Variants in ZNF560 observed in about 807,000 individuals in gnomAD.
The protein encoded by ZNF560 is zinc finger protein 560.
ZNF560 carries 54 observed loss-of-function variants against 81.8 expected under a neutral mutation model. The observed-to-expected ratio is 0.66, with a 90% CI of 0.53 to 0.83. The LOEUF (loss-of-function observed/expected upper bound fraction) is 0.83. Among genes scored for constraint, ZNF560 ranks in the 40% least tolerant of loss-of-function variants. The probability of loss-of-function intolerance (pLI) is 0.00; values close to 1 mark genes in which losing one functional copy is unlikely to be tolerated. For synonymous variants in ZNF560, 321 were observed against 317.9 expected (o/e 1.01, Z -0.10); for missense variants, 940 against 932.4 (o/e 1.01, Z -0.11).
the ZNF560 span, among the ~76,000 whole-genome samples, chr19:9,454,355 G>A: frequency 5.3e-5 from 8 of 152,280 alleles, no homozygotes; most frequent in South Asian, 2.1e-4. Context: ...CTCTAGCACC[G>A]CTGGGTTGAG....
chr19:9,447,249 A>G, the ZNF560 span, among the ~76,000 whole-genome samples: 1 of 152,204 alleles, frequency 6.6e-6, no homozygotes, highest in Non-Finnish European at 1.5e-5. Flanking sequence ...GACACAGATT[A>G]GAAGCACATT....
intron 2 of ZNF560, among the ~76,000 whole-genome samples, chr19:9,489,832 C>T (rs748012157): frequency 1.5e-4 from 23 of 152,132 alleles, no homozygotes; most frequent in East Asian, 3.8e-4. Flanking sequence ...CCTCATGATC[C>T]GCCCACCTCA....
At chr19:9,475,484 T>A (rs1223133812) in intron 2 of ZNF560, 115 bp from the exon 3 acceptor site, 3 of 615,008 alleles carry the variant, frequency 4.9e-6, no homozygotes, top group East Asian at 5.6e-5. Flanking sequence ...TAAACTCACA[T>A]AAATATACAT....
chr19:9,480,253 G>A (rs2073265924), intron 2 of ZNF560, among the ~76,000 whole-genome samples: 1 of 152,080 alleles, frequency 6.6e-6, no homozygotes, highest in Non-Finnish European at 1.5e-5. Context: ...AACAAAGCAA[G>A]TCTTAACAAA....
In ZNF560 at chr19:9,469,158, G is replaced by A; in HGVS notation, c.559C>T (p.Pro187Ser). 4.4e-6 allele frequency: 7 copies of A among 1,597,868 alleles called. No individual in the cohort carries two copies. The highest frequency in any genetic ancestry group is 1.1e-5 in the South Asian group (1 of 87,640). The stretch of plus-strand genomic sequence containing the variant: ...CAAAAATTATCTTGCCAAAGGGCTG[G>A]CCCTTTGGTTTTCAGGCACATTTTC... ...EWKMCLKTKG[P>S]ALWQDNFCLK... Residue 187 changes from proline to serine, a missense_variant, in exon 9 of 10, where the codon CCA becomes TCA. Coordinates refer to ENST00000301480, the MANE Select transcript of ZNF560 (RefSeq NM_152476.3).
the ZNF560 span, among the ~76,000 whole-genome samples, chr19:9,504,347 G>C: frequency 6.6e-6 from 1 of 152,040 alleles, no homozygotes; most frequent in Non-Finnish European, 1.5e-5. Flanking sequence ...AGGCAGGAGA[G>C]TCACTTAAAC....
the ZNF560 span, among the ~76,000 whole-genome samples, chr19:9,455,930 A>C: frequency 6.6e-6 from 1 of 152,148 alleles, no homozygotes; most frequent in Non-Finnish European, 1.5e-5. Flanking sequence ...ATGTAGAAAA[A>C]ATCAGAGGGT....
chr19:9,475,503 T>A (rs918289993), intron 2 of ZNF560, 134 bp from the exon 3 acceptor site: 1 of 581,912 alleles, frequency 1.7e-6, no homozygotes, highest in African/African-American at 1.9e-5. Flanking sequence ...ATTACATCCA[T>A]AAAATGCCAC....
At chr19:9,492,941 G>C (rs2073495411) in intron 2 of ZNF560, among the ~76,000 whole-genome samples, 1 of 152,212 alleles carries the variant, frequency 6.6e-6, no homozygotes. Flanking sequence ...ACACTGGAAA[G>C]TGAGATTAAC....
intron 2 of ZNF560, among the ~76,000 whole-genome samples, chr19:9,488,088 C>T (rs1345133717): frequency 6.6e-6 from 1 of 150,712 alleles, no homozygotes; most frequent in Non-Finnish European, 1.5e-5. Flanking sequence ...ATTAATGCTA[C>T]CAGGCAGAAG....
chr19:9,500,223 A>AGT (rs2073621276), upstream of ZNF560, among the ~76,000 whole-genome samples: 1 of 151,864 alleles, frequency 6.6e-6, no homozygotes, highest in Non-Finnish European at 1.5e-5. Flanking sequence ...GTCTCTACTA[A>AGT]AGATACAAAA....
the ZNF560 span, among the ~76,000 whole-genome samples, chr19:9,448,628 C>A: frequency 6.6e-6 from 1 of 151,928 alleles, no homozygotes; most frequent in African/African-American, 2.4e-5. Context: ...CCTTTTGAAG[C>A]AAAAACAAAA....
chr19:9,497,904 G>A (rs2073588168), intron 2 of ZNF560, among the ~76,000 whole-genome samples: 1 of 152,102 alleles, frequency 6.6e-6, no homozygotes, highest in Non-Finnish European at 1.5e-5. Context: ...GTATTCTTAG[G>A]TTTCTTTAGT....
At chr19:9,504,949 G>A in the ZNF560 span, among the ~76,000 whole-genome samples, 574 of 152,240 alleles carry the variant, frequency 3.8e-3, 7 homozygotes, top group African/African-American at 0.013. Flanking sequence ...GCTGGGTGTG[G>A]TGGCACACAC....
chr19:9,471,408 T>A (rs758413248), intron 5 of ZNF560, 30 bp from the exon 6 acceptor site: 6 of 1,450,968 alleles, frequency 4.1e-6, no homozygotes, highest in Non-Finnish European at 5.5e-6. Flanking sequence ...TGAGGTTTTT[T>A]TTTTTTTTAA....
At chr19:9,500,052 CTTTTA>C (rs1237100882), upstream of ZNF560, among the ~76,000 whole-genome samples, 9 of 152,094 alleles carry the variant, frequency 5.9e-5, no homozygotes, top group South Asian at 6.2e-4. Context: ...ATTGAGAAAC[CTTTTA>C]TTTTATTTTC....
chr19:9,462,993 T>G (rs556117193), downstream of ZNF560, among the ~76,000 whole-genome samples: 9 of 152,182 alleles, frequency 5.9e-5, no homozygotes, highest in Non-Finnish European at 1.3e-4. Flanking sequence ...AATACAGTGA[T>G]TAGTAATGAT....
chr19:9,495,250 T>A (rs1459578243), intron 2 of ZNF560, among the ~76,000 whole-genome samples: 1 of 152,138 alleles, frequency 6.6e-6, no homozygotes. Flanking sequence ...GACTATAGAA[T>A]TTGATGACTG....
downstream of ZNF560, among the ~76,000 whole-genome samples, chr19:9,461,963 T>C (rs1023325504): frequency 6.6e-6 from 1 of 152,214 alleles, no homozygotes; most frequent in Admixed American, 6.5e-5. Flanking sequence ...ATAAAAACAC[T>C]TGGAGGCTCT....
Sources: allele counts gnomAD v4.1 joint callset (sites outside exome capture counted in the v4.1 genomes callset), GRCh38; gene constraint gnomAD v4.1.1; transcripts MANE v1.5; gene names NCBI Gene and HGNC (gene_info 2026-07-23, HGNC 2026-07-21).